Variants in NRG1 observed in about 807,000 individuals in gnomAD.
NRG1 encodes the protein pro-neuregulin-1, membrane-bound isoform.
Under a neutral mutation model 63.8 loss-of-function variants are expected in NRG1, and 18 were observed. The observed-to-expected ratio is 0.28, with a 90% confidence interval of 0.19 to 0.42. The LOEUF (loss-of-function observed/expected upper bound fraction) is 0.42, where lower values mean the gene tolerates loss of function less well. Among genes scored for constraint, NRG1 ranks in the 10% least tolerant of loss-of-function variants. The pLI, the probability that NRG1 is intolerant of heterozygous loss-of-function variation, is 1.00. For synonymous variants in NRG1, 302 were observed against 301.3 expected (o/e 1.00, Z -0.02); for missense variants, 762 against 814.7 (o/e 0.94, Z 0.79).
At chr8:32,610,000 GA>G (rs1234076545) in intron 3 of NRG1, among the ~76,000 whole-genome samples, 179 of 143,280 alleles carry the variant, frequency 1.2e-3, no homozygotes, top group African/African-American at 2.9e-3. Flanking sequence ...GTGGATTCTA[GA>G]AAAAAAAAAA....
At chr8:32,332,437 CT>C (rs142074643) in intron 1 of NRG1, among the ~76,000 whole-genome samples, 3,253 of 152,302 alleles carry the variant, frequency 0.021, 53 homozygotes, top group Middle Eastern at 0.095. Flanking sequence ...GCTGCAGATC[CT>C]GTCAGTCACT....
At chr8:32,743,015 CA>C in intron 7 of NRG1, 1 of 1,229,028 alleles carries the variant, frequency 8.1e-7, no homozygotes, top group Non-Finnish European at 1.0e-6. Context: ...TAGTCAATAT[CA>C]AGCAGTGAAA....
intron 5 of NRG1, among the ~76,000 whole-genome samples, chr8:32,684,895 A>G (rs1043577750): frequency 1.3e-5 from 2 of 152,180 alleles, no homozygotes; most frequent in South Asian, 2.1e-4. Context: ...GAGTAAGTCT[A>G]GCTGAAAATT....
intron 5 of NRG1, among the ~76,000 whole-genome samples, chr8:32,672,442 A>G (rs2128896851): frequency 6.6e-6 from 1 of 152,326 alleles, no homozygotes; most frequent in South Asian, 2.1e-4. Context: ...AGAATCTCCC[A>G]CATGAAAAAT....
At chr8:32,016,443 G>A (rs1158767704) in intron 1 of NRG1, among the ~76,000 whole-genome samples, 2 of 152,022 alleles carry the variant, frequency 1.3e-5, no homozygotes, top group East Asian at 1.9e-4. Flanking sequence ...ATGTCACTAA[G>A]CCATTTTAAG....
At chr8:32,506,880 T>TA (rs950650504) in intron 1 of NRG1, among the ~76,000 whole-genome samples, 4 of 151,702 alleles carry the variant, frequency 2.6e-5, no homozygotes, top group African/African-American at 9.7e-5. Flanking sequence ...ACCCTGCCTC[T>TA]AAAAAAAATA....
intron 1 of NRG1, among the ~76,000 whole-genome samples, chr8:32,240,406 A>G (rs1847979325): frequency 6.6e-6 from 1 of 152,244 alleles, no homozygotes; most frequent in South Asian, 2.1e-4. Flanking sequence ...CAGAGAGTAG[A>G]GGAGGGAGGG....
chr8:32,170,431 G>A (rs1164698963), intron 1 of NRG1, among the ~76,000 whole-genome samples: 1 of 152,164 alleles, frequency 6.6e-6, no homozygotes, highest in Non-Finnish European at 1.5e-5. Flanking sequence ...GTCTTAGCAG[G>A]TGAAATGCAG....
At chr8:31,665,705 G>A (rs921368049) in intron 1 of NRG1, among the ~76,000 whole-genome samples, 4 of 152,108 alleles carry the variant, frequency 2.6e-5, no homozygotes, top group African/African-American at 9.7e-5. Context: ...GAAAAGCATA[G>A]GCTTTATTTT....
At chr8:31,778,154 T>A (rs1875723) in intron 1 of NRG1, among the ~76,000 whole-genome samples, 147,247 of 152,260 alleles carry the variant, frequency 0.97, 71,375 homozygotes, top group East Asian at 1. Flanking sequence ...GCATATTGAC[T>A]TCCTTGATTT....
intron 5 of NRG1, among the ~76,000 whole-genome samples, chr8:32,685,958 T>A (rs948874240): frequency 6.6e-6 from 1 of 152,216 alleles, no homozygotes; most frequent in African/African-American, 2.4e-5. Context: ...AGTTTCTAAT[T>A]TTTGGAATAC....
Position 31,848,366 on chromosome 8 carries a change from A to G in NRG1, c.37+208935A>G, listed in dbSNP as rs188004740. On this transcript the variant is annotated intron_variant, in intron 1 of 10. Coordinates refer to the NRG1 transcript ENST00000519301. Reference sequence around the variant, plus strand: ...GAAGGGGAAAGCCATGTGCCTAGCCAATATTTTCATTCCCTAAGGATCCAT... The same window carrying G: ...GAAGGGGAAAGCCATGTGCCTAGCCGATATTTTCATTCCCTAAGGATCCAT... Among the ~76,000 whole-genome samples the G allele has an allele frequency of 3.7e-3, 563 of 152,316 alleles. 1 individual carries two copies. Among genetic ancestry groups the G allele is most frequent in the Non-Finnish European group, 5.7e-3 (385 of 68,026 alleles).
chr8:32,146,611 A>G (rs1490985956), intron 1 of NRG1, among the ~76,000 whole-genome samples: 2 of 152,184 alleles, frequency 1.3e-5, no homozygotes, highest in Non-Finnish European at 2.9e-5. Context: ...AAAAGGGTTG[A>G]GACCTTTAAT....
chr8:32,317,648 A>G (rs1459817479), intron 1 of NRG1, among the ~76,000 whole-genome samples: 1 of 152,220 alleles, frequency 6.6e-6, no homozygotes, highest in Non-Finnish European at 1.5e-5. Context: ...AAGAACTCCT[A>G]GCTCGAAATC....
chr8:31,741,656 C>A (rs1255350583), intron 1 of NRG1, among the ~76,000 whole-genome samples: 1 of 151,854 alleles, frequency 6.6e-6, no homozygotes, highest in South Asian at 2.1e-4. Context: ...GAAAAATAGA[C>A]CATACTGAGA....
rs146444850 is a variant in NRG1 at position 31,761,501 on chromosome 8, C to T, written c.37+122070C>T. ...TAAAAATAAAGTGAAAGTTGTGTGA[C>T]TCTTCCTTTCACTTGAAAACTTAGA... On this transcript the variant is annotated intron_variant, in intron 1 of 10. Transcript: ENST00000519301. Among the ~76,000 whole-genome samples the T allele has an allele frequency of 7.9e-5, 12 of 152,138 alleles. No homozygotes were observed. The East Asian group carries it at 1.7e-3, about 22-fold the overall frequency.
chr8:32,760,420 G>A lies in NRG1; in HGVS notation c.1259+14G>A. On this transcript the variant is annotated intron_variant, in intron 11 of 11. Transcript: ENST00000356819. ...TCATAGTGAAAGGTAAAACCGAAGG[G>A]CAAAGCTACTGCAGAGGAGAAACTC... The A allele has an allele frequency of 6.2e-7, 1 of 1,612,650 alleles. No individual in the cohort carries two copies. Among genetic ancestry groups the A allele is most frequent in the Non-Finnish European group, 8.5e-7 (1 of 1,179,802 alleles).
chr8:32,301,448 T>C (rs1855555019), intron 1 of NRG1, among the ~76,000 whole-genome samples: 1 of 152,210 alleles, frequency 6.6e-6, no homozygotes, highest in Non-Finnish European at 1.5e-5. Flanking sequence ...TTTGGCTAAA[T>C]TTTGTTTTAG....
chr8:31,789,491 C>A (rs1323313064), intron 1 of NRG1, among the ~76,000 whole-genome samples: 2 of 152,068 alleles, frequency 1.3e-5, no homozygotes, highest in Non-Finnish European at 2.9e-5. Flanking sequence ...TATAACTGCC[C>A]AGGAGAGCTG....
Sources: allele counts gnomAD v4.1 joint callset (sites outside exome capture counted in the v4.1 genomes callset), GRCh38; gene constraint gnomAD v4.1.1; transcripts MANE v1.5; gene names NCBI Gene and HGNC (gene_info 2026-07-23, HGNC 2026-07-21).